MYO16: variants seen among roughly 807,000 people sequenced by gnomAD.
The protein encoded by MYO16 is myosin XVI.
A neutral mutation model predicts 205.3 loss-of-function variants in MYO16; 94 were observed. The observed-to-expected ratio is 0.46, with a 90% CI of 0.39 to 0.54. MYO16 has a LOEUF of 0.54. MYO16 is among the 20% of genes least tolerant of loss of function. The pLI, the probability that MYO16 is intolerant of heterozygous loss-of-function variation, is 0.00. For missense variants in MYO16, 2,315 were observed against 2,387.5 expected (o/e 0.97, Z 0.63); for synonymous variants, 988 against 954.0 (o/e 1.04, Z -0.66).
chr13:108,528,606 CT>C, the MYO16 span, among the ~76,000 whole-genome samples: 1 of 6,844 alleles, frequency 1.5e-4, no homozygotes, highest in Admixed American at 1.5e-3. Flanking sequence ...CTCCCCTCTC[CT>C]CTCCTCCCCT....
chr13:108,689,976 A>G (rs1280958323), intron 2 of MYO16, among the ~76,000 whole-genome samples: 1 of 152,230 alleles, frequency 6.6e-6, no homozygotes, highest in Non-Finnish European at 1.5e-5. Flanking sequence ...ATTTTGCCAA[A>G]TGTATATATG....
chr13:108,769,308 G>A (rs1885884419), intron 4 of MYO16, among the ~76,000 whole-genome samples: 1 of 152,124 alleles, frequency 6.6e-6, no homozygotes, highest in South Asian at 2.1e-4. Flanking sequence ...GGGGCAGAAG[G>A]GACAAAGTCA....
chr13:108,800,172 A>G (rs1594304114), intron 6 of MYO16, among the ~76,000 whole-genome samples: 1 of 152,322 alleles, frequency 6.6e-6, no homozygotes, highest in Middle Eastern at 3.4e-3. Flanking sequence ...CCCCTAAAAT[A>G]GAACCAGAAA....
At chr13:108,568,535 G>C in the MYO16 span, among the ~76,000 whole-genome samples, 1 of 151,964 alleles carries the variant, frequency 6.6e-6, no homozygotes, top group African/African-American at 2.4e-5. Flanking sequence ...ATTTACTTGG[G>C]TTGTCTGATT....
At chr13:109,155,799 A>G (rs370230143) in intron 32 of MYO16, among the ~76,000 whole-genome samples, 1 of 152,202 alleles carries the variant, frequency 6.6e-6, no homozygotes, top group Non-Finnish European at 1.5e-5. Flanking sequence ...TTTCCCCTGT[A>G]GCAGTCTCCA....
At chr13:109,195,569 A>G (rs533642728) in intron 34 of MYO16, among the ~76,000 whole-genome samples, 1 of 152,234 alleles carries the variant, frequency 6.6e-6, no homozygotes, top group East Asian at 1.9e-4. Flanking sequence ...ATTCTTCAAC[A>G]TCTTGTTAGC....
the MYO16 span, among the ~76,000 whole-genome samples, chr13:108,497,775 A>G: frequency 6.6e-6 from 1 of 152,158 alleles, no homozygotes; most frequent in African/African-American, 2.4e-5. Flanking sequence ...ATGCTTGAAG[A>G]TACAAGCCCC....
chr13:108,630,074 T>C (rs555859063), intron 1 of MYO16, among the ~76,000 whole-genome samples: 1 of 151,678 alleles, frequency 6.6e-6, no homozygotes, highest in Admixed American at 6.6e-5. Flanking sequence ...GTGATCCAAA[T>C]GCTAATAGCA....
intron 23 of MYO16, among the ~76,000 whole-genome samples, chr13:109,031,253 G>A (rs557254312): frequency 3.3e-5 from 5 of 151,998 alleles, no homozygotes; most frequent in South Asian, 4.2e-4. Flanking sequence ...CACCACACCC[G>A]GCTGATTTTT....
intron 16 of MYO16, among the ~76,000 whole-genome samples, chr13:108,955,211 G>T (rs577597446): frequency 6.6e-6 from 1 of 152,148 alleles, no homozygotes; most frequent in Non-Finnish European, 1.5e-5. Context: ...TTTCTGCAGC[G>T]AGAGGCAGAC....
intron 2 of MYO16, among the ~76,000 whole-genome samples, chr13:108,712,208 C>CTA (rs1453540001): frequency 2.1e-4 from 32 of 152,162 alleles, no homozygotes; most frequent in Non-Finnish European, 4.3e-4. Flanking sequence ...TTGCCAAGGG[C>CTA]TAATGGCACC....
intron 1 of MYO16, among the ~76,000 whole-genome samples, chr13:108,657,610 T>C (rs1275508827): frequency 1.3e-5 from 2 of 152,196 alleles, no homozygotes; most frequent in African/African-American, 4.8e-5. Context: ...TACATTTTCC[T>C]ATATGTTAAT....
chr13:109,191,860 G>C (rs2139946587), intron 34 of MYO16, among the ~76,000 whole-genome samples: 1 of 152,238 alleles, frequency 6.6e-6, no homozygotes, highest in Admixed American at 6.5e-5. Flanking sequence ...ACTTTAATCT[G>C]TTCAGAGTAT....
At chr13:109,048,192 T>TATATTTA in intron 24 of MYO16, 1 of 528,758 alleles carries the variant, frequency 1.9e-6, no homozygotes, top group Non-Finnish European at 3.5e-6. Context: ...TGTGTGTGTG[T>TATATTTA]GTGTGTGTGT....
rs568285290 is a variant in MYO16 at position 108,944,214 on chromosome 13, ATAATAT to A, written c.1926-13471_1926-13466del. Among the ~76,000 whole-genome samples, 106 of 151,888 alleles carry A rather than the reference ATAATAT, an allele frequency of 7.0e-4. 1 individual carries two copies. Among genetic ancestry groups the A allele is most frequent in the Non-Finnish European group, 5.4e-4 (37 of 68,028 alleles). On this transcript the variant is annotated intron_variant, in intron 16 of 34. Transcript: ENST00000457511. ...CATTCTTCTGGGAGATAAAAAAAAA[ATAATAT>A]TAGGTTAGAGCAAAAGCAATTGCAG... is the stretch of plus-strand genomic sequence containing the variant.
At chr13:108,795,902 C>A (rs1268552093) in intron 6 of MYO16, among the ~76,000 whole-genome samples, 2 of 152,258 alleles carry the variant, frequency 1.3e-5, no homozygotes, top group Admixed American at 6.5e-5. Context: ...AAGATCTAAC[C>A]AACAAGGGTG....
At chr13:108,655,780 G>A (rs1390031248) in intron 1 of MYO16, among the ~76,000 whole-genome samples, 1 of 152,156 alleles carries the variant, frequency 6.6e-6, no homozygotes, top group Non-Finnish European at 1.5e-5. Context: ...TGGAGTCAAA[G>A]GAGATCATTT....
chr13:108,602,520 T>G lies in MYO16; in HGVS notation c.-39+6281T>G, dbSNP rs528938753. Among the ~76,000 whole-genome samples, 4 of 152,284 alleles carry G rather than the reference T, an allele frequency of 2.6e-5. No homozygotes were observed. The East Asian group carries it at 7.7e-4, about 29-fold the overall frequency. Reference sequence around the variant, plus strand: ...CAAGGGAATTTTTTGAAAATCAACATAGTCATAGAATATGTCACTAATAAA... The same window carrying G: ...CAAGGGAATTTTTTGAAAATCAACAGAGTCATAGAATATGTCACTAATAAA... On this transcript the variant is annotated intron_variant, in intron 1 of 24. Transcript: ENST00000251041.
chr13:108,739,955 C>T (rs533000470), intron 4 of MYO16, among the ~76,000 whole-genome samples: 6 of 151,328 alleles, frequency 4.0e-5, no homozygotes, highest in East Asian at 3.9e-4. Context: ...GCATTCATCA[C>T]GTGGTTCTCG....
Sources: allele counts gnomAD v4.1 joint callset (sites outside exome capture counted in the v4.1 genomes callset), GRCh38; gene constraint gnomAD v4.1.1; transcripts MANE v1.5; gene names NCBI Gene and HGNC (gene_info 2026-07-23, HGNC 2026-07-21).